The following LARGE1 variants were observed in gnomAD, a reference collection of about 807,000 sequenced individuals.
The protein encoded by LARGE1 is LARGE xylosyl- and glucuronyltransferase 1, also known as xylosyl- and glucuronyltransferase LARGE1.
Under a neutral mutation model 87.6 loss-of-function variants are expected in LARGE1, and 43 were observed. That is an observed-to-expected ratio of 0.49 (90% CI 0.38 to 0.63). The LOEUF (loss-of-function observed/expected upper bound fraction) is 0.63. LARGE1 is among the 30% of genes least tolerant of loss of function. LARGE1 has a pLI of 0.00. For missense variants in LARGE1, 802 were observed against 1,000.2 expected, an observed-to-expected ratio of 0.80 and a Z score of 2.67; for synonymous variants, 434 against 394.6, an observed-to-expected ratio of 1.10 and a Z score of -1.18.
chr22:33,384,400 A>G, intron 7 of LARGE1, 96 bp from the exon 8 acceptor site: 1 of 899,820 alleles, frequency 1.1e-6, no homozygotes, highest in South Asian at 1.4e-5. Flanking sequence ...TCTCTCGGGG[A>G]TGATTGTCTT....
At chr22:33,502,465 C>A (rs4239872) in intron 6 of LARGE1, among the ~76,000 whole-genome samples, 116,890 of 152,128 alleles carry the variant, frequency 0.77, 45,940 homozygotes, top group East Asian at 0.98. Flanking sequence ...ATGCAGGGAG[C>A]GGTGAAGTTC....
chr22:33,842,475 T>C (rs1157699900), intron 1 of LARGE1, among the ~76,000 whole-genome samples: 1 of 152,232 alleles, frequency 6.6e-6, no homozygotes, highest in Non-Finnish European at 1.5e-5. Context: ...TATTCATATC[T>C]TGAGCAATTG....
At chr22:33,733,392 A>T in intron 2 of LARGE1, 1 of 152,242 alleles carries the variant, frequency 6.6e-6, no homozygotes, top group African/African-American at 2.4e-5. Context: ...CCTGCAACAC[A>T]CTCGGCAGCT....
chr22:33,624,127 G>C (rs2079847050), intron 4 of LARGE1, among the ~76,000 whole-genome samples: 1 of 152,098 alleles, frequency 6.6e-6, no homozygotes, highest in Non-Finnish European at 1.5e-5. Flanking sequence ...ACTAAGTCTG[G>C]GCTGGATATA....
At chr22:33,820,756 C>A (rs2086792903) in intron 1 of LARGE1, among the ~76,000 whole-genome samples, 1 of 152,198 alleles carries the variant, frequency 6.6e-6, no homozygotes, top group Non-Finnish European at 1.5e-5. Flanking sequence ...GATTCACCAC[C>A]TTCTCATTCA....
chr22:33,898,702 C>T (rs1046906039), intron 1 of LARGE1, among the ~76,000 whole-genome samples: 6 of 152,126 alleles, frequency 3.9e-5, no homozygotes, highest in Admixed American at 2.0e-4. Context: ...TGTGGTGAGC[C>T]GAGATTGTGC....
intron 9 of LARGE1, among the ~76,000 whole-genome samples, chr22:33,366,222 C>T (rs1261153691): frequency 6.6e-6 from 1 of 152,188 alleles, no homozygotes; most frequent in Non-Finnish European, 1.5e-5. Flanking sequence ...TTAATCATTT[C>T]TTCAATGATC....
intron 7 of LARGE1, among the ~76,000 whole-genome samples, chr22:33,422,173 C>T (rs1163565410): frequency 6.6e-6 from 1 of 152,210 alleles, no homozygotes; most frequent in Admixed American, 6.5e-5. Flanking sequence ...GTGCTCCTTC[C>T]CAGGAGTGTC....
At chr22:33,444,227 T>C (rs1419292884) in intron 6 of LARGE1, among the ~76,000 whole-genome samples, 1 of 152,256 alleles carries the variant, frequency 6.6e-6, no homozygotes, top group Non-Finnish European at 1.5e-5. Flanking sequence ...TTTTTAACAG[T>C]GGATAACAGT....
At chr22:33,518,820 C>T (rs1347856398) in intron 6 of LARGE1, among the ~76,000 whole-genome samples, 3 of 152,034 alleles carry the variant, frequency 2.0e-5, no homozygotes, top group Non-Finnish European at 2.9e-5. Flanking sequence ...TGGTACTGAC[C>T]GTGGGGGTTT....
the LARGE1 span, among the ~76,000 whole-genome samples, chr22:33,084,570 C>T: frequency 6.6e-6 from 1 of 151,444 alleles, no homozygotes; most frequent in African/African-American, 2.4e-5. Flanking sequence ...GGGAGGATTG[C>T]TTGAACCCCA....
At chr22:33,227,032 A>G (rs1925775173) in intron 11 of LARGE1, among the ~76,000 whole-genome samples, 1 of 152,210 alleles carries the variant, frequency 6.6e-6, no homozygotes, top group Non-Finnish European at 1.5e-5. Flanking sequence ...GAAACTCACC[A>G]TTCATCTTTA....
intron 6 of LARGE1, among the ~76,000 whole-genome samples, chr22:33,524,262 G>C (rs991152249): frequency 4.6e-4 from 68 of 146,350 alleles, no homozygotes; most frequent in African/African-American, 1.6e-3. Flanking sequence ...TTGCACTCCA[G>C]CCTGGGCAAC....
At chr22:33,167,006 C>T (rs1922311868) in intron 11 of LARGE1, among the ~76,000 whole-genome samples, 1 of 152,150 alleles carries the variant, frequency 6.6e-6, no homozygotes, top group South Asian at 2.1e-4. Context: ...TCATTACATG[C>T]ATAACATTAA....
At chr22:33,294,103 T>G (rs903994487) in intron 12 of LARGE1, among the ~76,000 whole-genome samples, 21 of 152,256 alleles carry the variant, frequency 1.4e-4, no homozygotes, top group African/African-American at 4.8e-4. Context: ...GGACCTCTTG[T>G]GGCCCCTACT....
intron 9 of LARGE1, among the ~76,000 whole-genome samples, chr22:33,356,109 T>C (rs1369511295): frequency 2.6e-5 from 4 of 152,214 alleles, no homozygotes; most frequent in African/African-American, 9.6e-5. Flanking sequence ...CTCTGGAAAA[T>C]GCTGTCATAG....
At chr22:33,518,395 T>C (rs1223775554) in intron 6 of LARGE1, among the ~76,000 whole-genome samples, 1 of 152,228 alleles carries the variant, frequency 6.6e-6, no homozygotes, top group African/African-American at 2.4e-5. Flanking sequence ...CTCAGCTCAC[T>C]GCAACCTCCG....
intron 10 of LARGE1, among the ~76,000 whole-genome samples, chr22:33,333,063 G>A (rs1937949341): frequency 6.9e-6 from 1 of 145,922 alleles, no homozygotes; most frequent in African/African-American, 2.7e-5. Context: ...CTGGAGTGCA[G>A]TGGCGTGATC....
At chr22:33,140,215 C>T in the LARGE1 span, among the ~76,000 whole-genome samples, 1 of 152,136 alleles carries the variant, frequency 6.6e-6, no homozygotes, top group Admixed American at 6.6e-5. Context: ...CTGGCAGCCT[C>T]CCCCTTCTGG....
Sources: gnomAD v4.1 joint callset for allele counts (sites outside exome capture counted in the v4.1 genomes callset) on GRCh38, gnomAD v4.1.1 for gene constraint, MANE v1.5 for transcripts, NCBI Gene and HGNC (gene_info 2026-07-23, HGNC 2026-07-21) for gene names.